PIP5K1B: variants seen among roughly 807,000 people sequenced by gnomAD.
PIP5K1B encodes the protein phosphatidylinositol-4-phosphate 5-kinase type 1 beta, also known as phosphatidylinositol 4-phosphate 5-kinase type-1 beta.
In PIP5K1B, 42 loss-of-function variants were observed where a neutral mutation model predicts 67.0. That is an observed-to-expected ratio of 0.63 (90% CI 0.49 to 0.81). The LOEUF (loss-of-function observed/expected upper bound fraction) is 0.81, where lower values mean the gene tolerates loss of function less well. Ranked by LOEUF, PIP5K1B falls within the 30% of genes least tolerant of loss-of-function variation. The pLI is 0.00. For missense variants in PIP5K1B, 459 were observed against 646.3 expected (o/e 0.71, Z 3.14); for synonymous variants, 214 against 231.4 (o/e 0.92, Z 0.68).
intron 14 of PIP5K1B, among the ~76,000 whole-genome samples, chr9:68,968,503 C>A (rs1283445972): frequency 8.2e-3 from 1,086 of 131,796 alleles, no homozygotes; most frequent in Non-Finnish European, 0.01. Flanking sequence ...GACTCTGTCT[C>A]AAAAAAAAAA....
At chr9:68,907,479 A>G (rs897070558) in intron 8 of PIP5K1B, among the ~76,000 whole-genome samples, 7 of 152,162 alleles carry the variant, frequency 4.6e-5, no homozygotes, top group African/African-American at 1.7e-4. Context: ...TAAGACTCCA[A>G]ATGATTTTTT....
chr9:68,940,566 G>T, intron 13 of PIP5K1B, 80 bp from the exon 14 acceptor site: 1 of 1,301,286 alleles, frequency 7.7e-7, no homozygotes, highest in South Asian at 1.5e-5. Context: ...GAATGCTTTT[G>T]ACTCATTTCA....
At chr9:68,852,716 T>G (rs1160570620) in intron 4 of PIP5K1B, among the ~76,000 whole-genome samples, 5 of 152,142 alleles carry the variant, frequency 3.3e-5, no homozygotes, top group Non-Finnish European at 7.4e-5. Flanking sequence ...GGATATTCTC[T>G]CACTTCTCCT....
chr9:68,981,614 A>G (rs1337179607), intron 14 of PIP5K1B, among the ~76,000 whole-genome samples: 1 of 152,184 alleles, frequency 6.6e-6, no homozygotes, highest in Non-Finnish European at 1.5e-5. Flanking sequence ...AAAACTGTGG[A>G]TAGTACCATA....
rs1158299196 is a variant in PIP5K1B at position 68,995,820 on chromosome 9, AAGG to A, written c.1620+4565_1620+4567del. Among the ~76,000 whole-genome samples the A allele has an allele frequency of 3.9e-5, 6 of 151,954 alleles. No individual in the cohort carries two copies. In the East Asian group the frequency reaches 1.2e-3, roughly 29 times the overall value. The stretch of plus-strand genomic sequence containing the variant: ...AACTCCGTCTCAAAAAAAAAAAAAA[AAGG>A]AAGAAAGAAAATGGAAAAGAAAAGC... On this transcript the variant is annotated intron_variant, in intron 15 of 15. Transcript: ENST00000265382.
In PIP5K1B at chr9:68,731,097, T is replaced by G. The variant is rs138628825; in HGVS notation, c.-242-11404T>G. Among the ~76,000 whole-genome samples the G allele has an allele frequency of 1.6e-3, 246 of 152,284 alleles. 1 individual carries two copies. Among genetic ancestry groups the G allele is most frequent in the African/African-American group, 5.6e-3 (233 of 41,564 alleles). On this transcript the variant is annotated intron_variant, in intron 1 of 15. Coordinates refer to ENST00000265382, the MANE Select transcript of PIP5K1B (RefSeq NM_003558.4). ...ATGCCTGTGGATCCCTTTCAATATGTGTGATAATTTTGGTTTCAAGGGTCA... is the reference window on the plus strand; with the variant it reads ...ATGCCTGTGGATCCCTTTCAATATGGGTGATAATTTTGGTTTCAAGGGTCA...
chr9:68,729,226 G>A (rs1828297678), intron 1 of PIP5K1B, among the ~76,000 whole-genome samples: 1 of 152,144 alleles, frequency 6.6e-6, no homozygotes, highest in Admixed American at 6.5e-5. Context: ...AAAATATTTA[G>A]ATGAATGGAG....
At chr9:68,781,057 A>C in intron 2 of PIP5K1B, 1 of 1,588,152 alleles carries the variant, frequency 6.3e-7, no homozygotes, top group Non-Finnish European at 8.6e-7. Flanking sequence ...TTCTTTTTGC[A>C]GTGGAGAGAG....
intron 3 of PIP5K1B, among the ~76,000 whole-genome samples, chr9:68,820,610 C>T (rs982794268): frequency 1.3e-5 from 2 of 152,116 alleles, no homozygotes; most frequent in African/African-American, 2.4e-5. Context: ...TTAGCATATG[C>T]CGTGTTTATT....
At position 69,008,631 on chromosome 9, in the gene PIP5K1B, GA is replaced by G; in HGVS notation, c.*187del. The G allele has an allele frequency of 1.7e-5, 11 of 646,496 alleles. No homozygotes were observed. Among genetic ancestry groups the G allele is most frequent in the Non-Finnish European group, 2.3e-5 (8 of 347,078 alleles). 40.0% of individuals were successfully genotyped at this position (646,496 alleles called of 1,614,324 possible). A position where few individuals can be genotyped will look rare whatever the true frequency, so the allele number is the denominator to read the frequency against. ...TCAGGCTGATCAGCAGATGGGATGTGAAAAATACTACCCTATTCTATCATTT... is the reference window on the plus strand; with the variant it reads ...TCAGGCTGATCAGCAGATGGGATGTGAAAATACTACCCTATTCTATCATTT... On this transcript the variant is annotated 3_prime_UTR_variant, in exon 16 of 16. Transcript: ENST00000265382.
intron 7 of PIP5K1B, among the ~76,000 whole-genome samples, chr9:68,892,207 G>A (rs1300138181): frequency 6.6e-6 from 1 of 152,136 alleles, no homozygotes; most frequent in Non-Finnish European, 1.5e-5. Context: ...AATTCTAATA[G>A]GATTTTTCAC....
chr9:68,826,716 G>C (rs1036936122), intron 4 of PIP5K1B, among the ~76,000 whole-genome samples: 1 of 152,084 alleles, frequency 6.6e-6, no homozygotes, highest in Non-Finnish European at 1.5e-5. Context: ...GACCCAAATC[G>C]GTGTTGAGTA....
At chr9:68,786,169 G>C (rs1188142105) in intron 2 of PIP5K1B, 1 of 152,174 alleles carries the variant, frequency 6.6e-6, no homozygotes, top group Non-Finnish European at 1.5e-5. Context: ...TCACCAGATT[G>C]TGATTCCCTT....
At chr9:68,980,605 C>T (rs2132885461) in intron 14 of PIP5K1B, among the ~76,000 whole-genome samples, 1 of 152,322 alleles carries the variant, frequency 6.6e-6, no homozygotes, top group South Asian at 2.1e-4. Context: ...TTCTCTTGTA[C>T]TATCCAAACT....
At chr9:68,856,675 G>C (rs1414946) in intron 4 of PIP5K1B, among the ~76,000 whole-genome samples, 140,755 of 152,290 alleles carry the variant, frequency 0.92, 65,222 homozygotes, top group Admixed American at 0.95. Context: ...CTTATGCTTC[G>C]CACAATGCCT....
rs751665360 is a variant in PIP5K1B at position 68,923,421 on chromosome 9, G to A, written c.1201+35G>A. On this transcript the variant is annotated intron_variant, in intron 12 of 15. Coordinates refer to ENST00000265382, the MANE Select transcript of PIP5K1B (RefSeq NM_003558.4). Reference sequence around the variant, plus strand: ...TTATGAATTTTTTTTTTTACTTTTAGCAGCTAATTTCATTATGTATCTTTG... The same window carrying A: ...TTATGAATTTTTTTTTTTACTTTTAACAGCTAATTTCATTATGTATCTTTG... The A allele has an allele frequency of 8.3e-6, 9 of 1,087,830 alleles. No homozygotes were observed. In the South Asian group the frequency reaches 1.2e-4, roughly 15 times the overall value. 67.4% of individuals were successfully genotyped at this position (1,087,830 alleles called of 1,614,324 possible).
At chr9:68,775,797 G>T (rs544370603) in intron 2 of PIP5K1B, among the ~76,000 whole-genome samples, 1 of 152,162 alleles carries the variant, frequency 6.6e-6, no homozygotes, top group African/African-American at 2.4e-5. Flanking sequence ...CATAGTGTAT[G>T]TATTCTTTTG....
intron 12 of PIP5K1B, among the ~76,000 whole-genome samples, chr9:68,924,139 G>T (rs1167414378): frequency 6.7e-6 from 1 of 149,840 alleles, no homozygotes; most frequent in Non-Finnish European, 1.5e-5. Flanking sequence ...AGGAGGCCGG[G>T]CGCGGTAATC....
intron 2 of PIP5K1B, among the ~76,000 whole-genome samples, chr9:68,753,857 G>A (rs370840226): frequency 7.3e-5 from 11 of 151,362 alleles, no homozygotes; most frequent in South Asian, 4.2e-4. Flanking sequence ...ATGGGGTTTC[G>A]CCATGTTGTC....
Sources: gnomAD v4.1 joint callset for allele counts (sites outside exome capture counted in the v4.1 genomes callset) on GRCh38, gnomAD v4.1.1 for gene constraint, MANE v1.5 for transcripts, NCBI Gene and HGNC (gene_info 2026-07-23, HGNC 2026-07-21) for gene names.